The following B3GALNT2 variants were observed in gnomAD, a reference collection of about 807,000 sequenced individuals.
The protein encoded by B3GALNT2 is UDP-GalNAc:beta-1,3-N-acetylgalactosaminyltransferase 2.
B3GALNT2 carries 53 observed loss-of-function variants against 61.1 expected under a neutral mutation model. That is an observed-to-expected ratio of 0.87 (90% CI 0.70 to 1.09). The LOEUF (loss-of-function observed/expected upper bound fraction) is 1.09. Among genes scored for constraint, B3GALNT2 ranks in the 50% least tolerant of loss-of-function variants. The probability of loss-of-function intolerance (pLI) is 0.00; values close to 1 mark genes in which losing one functional copy is unlikely to be tolerated. For missense variants in B3GALNT2, 544 were observed against 623.0 expected, an observed-to-expected ratio of 0.87 and a Z score of 1.35; for synonymous variants, 223 against 237.4, an observed-to-expected ratio of 0.94 and a Z score of 0.56.
chr1:235,449,157 TTTGG>T lies in B3GALNT2; in HGVS notation c.*1045_*1048del, dbSNP rs576407865. On this transcript the variant is annotated 3_prime_UTR_variant, in exon 12 of 12. Coordinates refer to ENST00000366600, the MANE Select transcript of B3GALNT2 (RefSeq NM_152490.5). Reference sequence around the variant, plus strand: ...TATTTTAAAGGGTTACTAGAAATGATTTGGTTGGTCATTTTGGGAAATGTCCCTT... The same window carrying T: ...TATTTTAAAGGGTTACTAGAAATGATTTGGTCATTTTGGGAAATGTCCCTT... 2.8e-4 allele frequency: 69 copies of T among 249,614 alleles called. No individual in the cohort carries two copies. Among genetic ancestry groups the T allele is most frequent in the South Asian group, 6.8e-4 (14 of 20,514 alleles). The allele number at this position is 249,614 out of a possible 1,614,324, so 15.5% of individuals were successfully genotyped here. A position where few individuals can be genotyped will look rare whatever the true frequency, so the allele number is the denominator to read the frequency against.
intron 5 of B3GALNT2, among the ~76,000 whole-genome samples, chr1:235,475,466 T>C (rs916758147): frequency 6.6e-6 from 1 of 152,046 alleles, no homozygotes; most frequent in Admixed American, 6.6e-5. Context: ...AATCACCAAG[T>C]GTGGAGGGAA....
Position 235,469,631 on chromosome 1 carries a change from C to A in B3GALNT2, c.762+1219G>T, listed in dbSNP as rs188254889. 3.3e-3 allele frequency among the ~76,000 whole-genome samples: 493 copies of A among 151,634 alleles called. 2 individuals are homozygous for A. Among genetic ancestry groups the A allele is most frequent in the African/African-American group, 0.012 (482 of 41,322 alleles). On this transcript the variant is annotated intron_variant, in intron 6 of 11. Coordinates refer to ENST00000366600, the MANE Select transcript of B3GALNT2 (RefSeq NM_152490.5). The stretch of plus-strand genomic sequence containing the variant: ...GCAGTGGCATGATCCTGGCTCACTG[C>A]AACCTCCACCTCTGGGGTTCAAGCA...
At chr1:235,450,387 T>A (rs765597784) in intron 11 of B3GALNT2, 47 bp from the exon 12 acceptor site, 3 of 1,596,574 alleles carry the variant, frequency 1.9e-6, no homozygotes, top group Non-Finnish European at 2.6e-6. Flanking sequence ...GAAACTGTTT[T>A]AAGAGCATCA....
At chr1:235,501,950 T>C (rs541128732) in intron 1 of B3GALNT2, among the ~76,000 whole-genome samples, 32 of 152,298 alleles carry the variant, frequency 2.1e-4, no homozygotes, top group African/African-American at 7.5e-4. Flanking sequence ...ATGCTTCCAC[T>C]GCTTTTAGCT....
Position 235,449,155 on chromosome 1 carries a change from G to A in B3GALNT2, c.*1051C>T. On this transcript the variant is annotated 3_prime_UTR_variant, in exon 12 of 12. Coordinates refer to ENST00000366600, the MANE Select transcript of B3GALNT2 (RefSeq NM_152490.5). Reference sequence around the variant, plus strand: ...ACTATTTTAAAGGGTTACTAGAAATGATTTGGTTGGTCATTTTGGGAAATG... The same window carrying A: ...ACTATTTTAAAGGGTTACTAGAAATAATTTGGTTGGTCATTTTGGGAAATG... 4.1e-6 allele frequency: 1 copy of A among 245,698 alleles called. No individual in the cohort carries two copies. The highest frequency in any genetic ancestry group is 5.0e-5 in the South Asian group (1 of 20,030). 15.2% of individuals were successfully genotyped at this position (245,698 alleles called of 1,614,324 possible).
intron 4 of B3GALNT2, among the ~76,000 whole-genome samples, chr1:235,482,607 CAA>C (rs58814316): frequency 2.4e-4 from 33 of 139,694 alleles, no homozygotes; most frequent in South Asian, 6.9e-4. Flanking sequence ...CCTGCTAAAA[CAA>C]AAAAAAAAAA....
intron 7 of B3GALNT2, among the ~76,000 whole-genome samples, chr1:235,461,520 T>TG (rs1683432737): frequency 7.4e-6 from 1 of 135,880 alleles, no homozygotes; most frequent in Non-Finnish European, 1.6e-5. Context: ...TTTTTTTTTT[T>TG]TTTTTTTTTT....
intron 1 of B3GALNT2, chr1:235,496,310 TG>T: frequency 1.2e-6 from 1 of 800,250 alleles, no homozygotes; most frequent in Non-Finnish European, 1.6e-6. Flanking sequence ...AGACTCCACC[TG>T]AAAAAAAAAA....
At position 235,458,742 on chromosome 1, in the gene B3GALNT2, G is replaced by A. The variant is rs1683281659; in HGVS notation, c.886C>T (p.Leu296Phe). 1.9e-6 allele frequency: 3 copies of A among 1,606,870 alleles called. No homozygotes were observed. Among genetic ancestry groups the A allele is most frequent in the African/African-American group, 1.3e-5 (1 of 74,662 alleles). The change falls in exon 8 of 12, where the codon CTT becomes TTT. Residue 296 changes from leucine to phenylalanine, a missense_variant. By Grantham distance (22) the Leu-to-Phe change is conservative. Transcript: ENST00000366600. The stretch of plus-strand genomic sequence containing the variant: ...TGGAGATTCCTTATATGATCAATAA[G>A]TCTTTGAGGGCGAGAATGAAGGTTG... ...LHNLHSRPQR[L>F]IDHIRNLHEE...
chr1:235,461,718 T>C (rs1456256318), intron 7 of B3GALNT2, among the ~76,000 whole-genome samples: 1 of 152,092 alleles, frequency 6.6e-6, no homozygotes, highest in African/African-American at 2.4e-5. Flanking sequence ...GGTTTCACCA[T>C]GTTGGTCTGG....
chr1:235,474,833 G>A (rs889892311), intron 5 of B3GALNT2, among the ~76,000 whole-genome samples: 5 of 150,778 alleles, frequency 3.3e-5, no homozygotes, highest in African/African-American at 7.3e-5. Context: ...GGATGTAAGC[G>A]TCCATAATGC....
intron 7 of B3GALNT2, among the ~76,000 whole-genome samples, chr1:235,459,650 C>T (rs929709937): frequency 3.3e-5 from 5 of 151,784 alleles, no homozygotes; most frequent in African/African-American, 9.7e-5. Flanking sequence ...AATAAAGAGA[C>T]GTAAATATGT....
At chr1:235,443,068 G>A, downstream of B3GALNT2, 2 of 740,162 alleles carry the variant, frequency 2.7e-6, no homozygotes, top group Non-Finnish European at 4.6e-6. Flanking sequence ...AATCAATCAT[G>A]CTAATATCAC....
chr1:235,448,588 C>CG lies in B3GALNT2; in HGVS notation c.*1617dup. 7.3e-7 allele frequency: 1 copy of CG among 1,378,588 alleles called. No individual in the cohort carries two copies. The highest frequency in any genetic ancestry group is 1.0e-6 in the Non-Finnish European group (1 of 965,934). The allele number at this position is 1,378,588 out of a possible 1,614,324, so 85.4% of individuals were successfully genotyped here. A position where few individuals can be genotyped will look rare whatever the true frequency, so the allele number is the denominator to read the frequency against. On this transcript the variant is annotated 3_prime_UTR_variant, in exon 12 of 12. Coordinates refer to ENST00000366600, the MANE Select transcript of B3GALNT2 (RefSeq NM_152490.5). Reference sequence around the variant, plus strand: ...TTAAGGGTAAGCTACTGCCTGGGGACGGGGTGGGGGAAGAGTATGTGTAGC... The same window carrying CG: ...TTAAGGGTAAGCTACTGCCTGGGGACGGGGGTGGGGGAAGAGTATGTGTAGC...
chr1:235,466,753 A>C (rs899725711), intron 6 of B3GALNT2, among the ~76,000 whole-genome samples: 4 of 152,214 alleles, frequency 2.6e-5, no homozygotes, highest in African/African-American at 7.2e-5. Flanking sequence ...TTAAAGAGTT[A>C]TCTCTCTTCA....
chr1:235,442,961 G>A (rs779162506), downstream of B3GALNT2: 3 of 1,587,408 alleles, frequency 1.9e-6, no homozygotes, highest in Non-Finnish European at 8.6e-7. Flanking sequence ...CATCGGCCTA[G>A]GTATGAGTCA....
chr1:235,494,308 T>C (rs1350778161), intron 2 of B3GALNT2, among the ~76,000 whole-genome samples: 1 of 152,206 alleles, frequency 6.6e-6, no homozygotes, highest in East Asian at 1.9e-4. Context: ...ATATACTCTC[T>C]TCCAATTATC....
rs1039230388 is a variant in B3GALNT2, at chr1:235,465,282, A to G, written c.841+354T>C. On this transcript the variant is annotated intron_variant, in intron 7 of 11. Transcript: ENST00000366600. Reference sequence around the variant, plus strand: ...AATGGACAGACCTGGAACACATGTTACAGCAAAGAAACTGACACACAGAGT... The same window carrying G: ...AATGGACAGACCTGGAACACATGTTGCAGCAAAGAAACTGACACACAGAGT... 5 of 178,280 alleles carry G rather than the reference A, an allele frequency of 2.8e-5. No individual in the cohort carries two copies. The East Asian group carries it at 7.4e-4, about 26-fold the overall frequency. 11.0% of individuals were successfully genotyped at this position (178,280 alleles called of 1,614,324 possible). A position where few individuals can be genotyped will look rare whatever the true frequency, so the allele number is the denominator to read the frequency against.
chr1:235,498,770 G>A (rs1171690122), intron 1 of B3GALNT2, among the ~76,000 whole-genome samples: 1 of 144,740 alleles, frequency 6.9e-6, no homozygotes, highest in East Asian at 2.1e-4. Flanking sequence ...CTTGAACCTG[G>A]GAGGCAGAGG....
Sources: allele counts gnomAD v4.1 joint callset (sites outside exome capture counted in the v4.1 genomes callset), GRCh38; gene constraint gnomAD v4.1.1; transcripts MANE v1.5; gene names NCBI Gene and HGNC (gene_info 2026-07-23, HGNC 2026-07-21).